SHOC1: variants seen among roughly 807,000 people sequenced by gnomAD.
The protein encoded by SHOC1 is protein shortage in chiasmata 1 ortholog.
Under a neutral mutation model 179.2 loss-of-function variants are expected in SHOC1, and 136 were observed. That is an observed-to-expected ratio of 0.76 (90% CI 0.66 to 0.87). The LOEUF (loss-of-function observed/expected upper bound fraction) is 0.87. Among genes scored for constraint, SHOC1 ranks in the 40% least tolerant of loss-of-function variants. The pLI is 0.00. For synonymous variants in SHOC1, 489 were observed against 586.6 expected (o/e 0.83, Z 2.41); for missense variants, 1,538 against 1,700.8 (o/e 0.90, Z 1.68).
At chr9:111,694,730 G>C (rs1831610864) in intron 24 of SHOC1, among the ~76,000 whole-genome samples, 1 of 151,854 alleles carries the variant, frequency 6.6e-6, no homozygotes, top group Non-Finnish European at 1.5e-5. Flanking sequence ...AAACCTAATA[G>C]TTGTCAATTA....
intron 5 of SHOC1, among the ~76,000 whole-genome samples, chr9:111,766,361 A>G (rs1835359401): frequency 6.6e-6 from 1 of 152,188 alleles, no homozygotes; most frequent in African/African-American, 2.4e-5. Context: ...TAAACATGGG[A>G]GTGCAGATGT....
chr9:111,689,315 G>A (rs1160821030), intron 27 of SHOC1, among the ~76,000 whole-genome samples: 1 of 145,854 alleles, frequency 6.9e-6, no homozygotes, highest in Middle Eastern at 3.5e-3. Flanking sequence ...CTGGGTGACA[G>A]AGCAAGACTC....
chr9:111,697,739 T>G (rs1334673731), intron 24 of SHOC1, among the ~76,000 whole-genome samples: 1 of 152,226 alleles, frequency 6.6e-6, no homozygotes, highest in Non-Finnish European at 1.5e-5. Context: ...ATGGTATTTC[T>G]AGTTCTAGAT....
chr9:111,702,126 G>A lies in SHOC1; in HGVS notation c.3068C>T (p.Thr1023Ile), dbSNP rs780490578. 7 of 1,491,162 alleles carry A rather than the reference G, an allele frequency of 4.7e-6. No homozygotes were observed. Among genetic ancestry groups the A allele is most frequent in the Admixed American group, 1.8e-5 (1 of 54,816 alleles). 92.4% of individuals were successfully genotyped at this position (1,491,162 alleles called of 1,614,324 possible). A position where few individuals can be genotyped will look rare whatever the true frequency, so the allele number is the denominator to read the frequency against. ...CTACTCTGAATTTAATGTTTCTTTG[G>A]TATATAAAATTATCCAACAATATCT... is the stretch of plus-strand genomic sequence containing the variant. ...QYRYCWIILY[T>I]KETLNSEYLL... The change falls in exon 23 of 28, where the codon ACC (threonine) becomes ATC (isoleucine). Residue 1023 changes from threonine to isoleucine, a missense_variant. Physicochemically the swap from Thr to Ile is moderately conservative, Grantham distance 89. Coordinates refer to ENST00000682961, the MANE Select transcript of SHOC1 (RefSeq NM_001378211.1).
chr9:111,688,617 G>T (rs1831287304), intron 27 of SHOC1, among the ~76,000 whole-genome samples: 1 of 151,888 alleles, frequency 6.6e-6, no homozygotes, highest in South Asian at 2.1e-4. Flanking sequence ...TAACAATGCA[G>T]TTGTCAGAAA....
chr9:111,688,730 A>T (rs1425714415), intron 27 of SHOC1, among the ~76,000 whole-genome samples: 1 of 152,178 alleles, frequency 6.6e-6, no homozygotes, highest in Non-Finnish European at 1.5e-5. Context: ...AAATTAAAAT[A>T]CCATATTTAA....
intron 1 of SHOC1, 66 bp from the exon 2 acceptor site, chr9:111,791,520 C>T: frequency 1.5e-6 from 1 of 659,944 alleles, no homozygotes; most frequent in Non-Finnish European, 2.3e-6. Context: ...AAATCTCAAT[C>T]ACAAAACTTT....
intron 12 of SHOC1, among the ~76,000 whole-genome samples, chr9:111,730,197 C>T (rs1228782565): frequency 6.6e-6 from 1 of 152,134 alleles, no homozygotes; most frequent in Non-Finnish European, 1.5e-5. Flanking sequence ...GTCTTGAACC[C>T]TTCAAAATCA....
At chr9:111,759,239 A>C (rs1835026147) in intron 5 of SHOC1, 1 of 1,613,828 alleles carries the variant, frequency 6.2e-7, no homozygotes, top group Non-Finnish European at 8.5e-7. Flanking sequence ...TCTTCTCTGC[A>C]TCATTTTACC....
intron 16 of SHOC1, among the ~76,000 whole-genome samples, chr9:111,714,824 G>A (rs922276635): frequency 1.3e-5 from 2 of 152,136 alleles, no homozygotes; most frequent in Admixed American, 6.5e-5. Flanking sequence ...CTCTTTTTAA[G>A]CTGCATATGT....
Position 111,758,122 on chromosome 9 carries a change from A to T in SHOC1, c.670T>A (p.Cys224Ser). ...ATTGTATCTTCTAGTTTCTCTTGAC[A>T]AAAGTTCACTTTATCCATACAAAAA... ...EDFCMDKVNF[C>S]QEKLEDTICL... Residue 224 changes from cysteine to serine, a missense_variant, in exon 7 of 28, where the codon TGT (cysteine) becomes AGT (serine). Physicochemically the swap from Cys to Ser is moderately radical, Grantham distance 112. Transcript: ENST00000682961. 1 of 1,584,236 alleles carries T rather than the reference A, an allele frequency of 6.3e-7. No individual in the cohort carries two copies. The highest frequency in any genetic ancestry group is 8.6e-7 in the Non-Finnish European group (1 of 1,161,984).
At chr9:111,724,980 A>T (rs1833231834) in intron 13 of SHOC1, among the ~76,000 whole-genome samples, 1 of 152,112 alleles carries the variant, frequency 6.6e-6, no homozygotes, top group African/African-American at 2.4e-5. Flanking sequence ...CTTCTTTCCT[A>T]AGTATTATAG....
In SHOC1 at chr9:111,702,095, G is replaced by A. The variant is rs188804225; in HGVS notation, c.3089+10C>T. 1.7e-4 allele frequency: 247 copies of A among 1,466,458 alleles called. 2 individuals are homozygous for A. The highest frequency in any genetic ancestry group is 1.1e-3 in the Middle Eastern group (6 of 5,698). 90.8% of individuals were successfully genotyped at this position (1,466,458 alleles called of 1,614,324 possible). On this transcript the variant is annotated intron_variant, in intron 23 of 27. Transcript: ENST00000682961. ...CGAACATAACTTTGGATGAAGAAAT[G>A]TTTACCTACTCTGAATTTAATGTTT...
intron 5 of SHOC1, chr9:111,759,159 T>G (rs200280623): frequency 6.2e-7 from 1 of 1,607,292 alleles, no homozygotes; most frequent in East Asian, 2.2e-5. Context: ...GACTTACACT[T>G]CAAAATAGCC....
intron 5 of SHOC1, among the ~76,000 whole-genome samples, chr9:111,760,620 G>GT (rs147416190): frequency 1.1e-4 from 16 of 150,650 alleles, no homozygotes; most frequent in African/African-American, 2.2e-4. Flanking sequence ...TACAATTAAT[G>GT]TTTTTTTTTA....
In SHOC1 at chr9:111,786,049, A is replaced by G. The variant is rs1283845948; in HGVS notation, c.46-14T>C. The G allele has an allele frequency of 4.1e-6, 6 of 1,461,596 alleles. No individual in the cohort carries two copies. In the East Asian group the frequency reaches 1.1e-4, roughly 26 times the overall value. 90.5% of individuals were successfully genotyped at this position (1,461,596 alleles called of 1,614,324 possible). A position where few individuals can be genotyped will look rare whatever the true frequency, so the allele number is the denominator to read the frequency against. Reference sequence around the variant, plus strand: ...TCTAACCACATTCTGTGGAAGAAAGAAAGATTAGAAAATCTTTTAACATGT... The same window carrying G: ...TCTAACCACATTCTGTGGAAGAAAGGAAGATTAGAAAATCTTTTAACATGT... On this transcript the variant is annotated splice_polypyrimidine_tract_variant and intron_variant, in intron 2 of 27. Coordinates refer to ENST00000682961, the MANE Select transcript of SHOC1 (RefSeq NM_001378211.1).
At chr9:111,794,571 G>C (rs571825763) in intron 1 of SHOC1, among the ~76,000 whole-genome samples, 15 of 152,140 alleles carry the variant, frequency 9.9e-5, no homozygotes, top group East Asian at 1.9e-4. Context: ...GCAACAGAGC[G>C]AGACCCTGTC....
rs776223898 is a variant in SHOC1 at position 111,699,959 on chromosome 9, C to A, written c.3178G>T (p.Val1060Leu). The change falls in exon 24 of 28, where the codon GTA becomes TTA. Residue 1060 changes from valine (V) to leucine (L), a missense_variant. Coordinates refer to ENST00000682961, the MANE Select transcript of SHOC1 (RefSeq NM_001378211.1). ...AACACATAGGAAAAGAATACCTTTA[C>A]ATCCAGTTCTTCAGAGTTTAGCCCA... is the stretch of plus-strand genomic sequence containing the variant. ...SFGLNSEELD[V>L]KLIIAPGVEA... The A allele has an allele frequency of 1.3e-6, 2 of 1,596,354 alleles. No homozygotes were observed. The highest frequency in any genetic ancestry group is 1.7e-6 in the Non-Finnish European group (2 of 1,168,104).
At chr9:111,718,630 T>G (rs1208765288) in intron 15 of SHOC1, among the ~76,000 whole-genome samples, 1 of 152,136 alleles carries the variant, frequency 6.6e-6, no homozygotes, top group Non-Finnish European at 1.5e-5. Flanking sequence ...TCTACTGCTA[T>G]TGGGAAAAAG....
Sources: allele counts gnomAD v4.1 joint callset (sites outside exome capture counted in the v4.1 genomes callset), GRCh38; gene constraint gnomAD v4.1.1; transcripts MANE v1.5; gene names NCBI Gene and HGNC (gene_info 2026-07-23, HGNC 2026-07-21).